PSMD3: variants seen among roughly 807,000 people sequenced by gnomAD.
The protein encoded by PSMD3 is proteasome 26S subunit, non-ATPase 3.
A neutral mutation model predicts 62.8 loss-of-function variants in PSMD3; 5 were observed. That is an observed-to-expected ratio of 0.08 (90% CI 0.04 to 0.17). The LOEUF is 0.17. PSMD3 is among the 10% of genes least tolerant of loss of function. PSMD3 has a pLI of 1.00. For synonymous variants in PSMD3, 265 were observed against 283.9 expected, an observed-to-expected ratio of 0.93 and a Z score of 0.67; for missense variants, 524 against 713.6, an observed-to-expected ratio of 0.73 and a Z score of 3.03.
Position 39,996,245 on chromosome 17 carries a change from G to A in PSMD3, c.1383G>A (p.Lys461=), listed in dbSNP as rs149090359. Residue 461 remains lysine, a synonymous_variant, in exon 10 of 12, where the codon AAG becomes AAA. Coordinates refer to ENST00000264639, the MANE Select transcript of PSMD3 (RefSeq NM_002809.4). This position sits in a 1 kb window ranked among gnomAD's most constrained non-coding sequence, Gnocchi z 5.1. ...ACGAGAAGGGCTATGTCCAATCCAA[G>A]GAGATGATTGACATCTATTCCACCC... ...INHEKGYVQS[K]EMIDIYSTRE... is the part of the protein sequence containing the mutation. 8.1e-6 allele frequency: 13 copies of A among 1,613,990 alleles called. No homozygotes were observed. The African/African-American group carries it at 1.3e-4, about 17-fold the overall frequency.
At chr17:39,982,834 A>G (rs1980421071) in intron 1 of PSMD3, among the ~76,000 whole-genome samples, 1 of 152,242 alleles carries the variant, frequency 6.6e-6, no homozygotes. Context: ...GCTATCATAA[A>G]TAGCTTTGAA....
Position 39,988,711 on chromosome 17 carries a change from A to G in PSMD3, c.578A>G (p.Gln193Arg), listed in dbSNP as rs200089350. ...EAQKISDDLMQKISTQNRRAL... is the reference protein window; with the variant it reads ...EAQKISDDLMRKISTQNRRAL... Reference sequence around the variant, plus strand: ...CAGAAGATCTCTGATGATCTGATGCAGAAGATCAGTACTCAGAACCGCCGG... The same window carrying G: ...CAGAAGATCTCTGATGATCTGATGCGGAAGATCAGTACTCAGAACCGCCGG... The change falls in exon 4 of 12, where the codon CAG becomes CGG. Residue 193 changes from glutamine to arginine, a missense_variant. This residue lies in a region of PSMD3 where 396 missense variants were observed against 475.8 expected (regional missense o/e 0.83). Transcript: ENST00000264639. The G allele has an allele frequency of 9.9e-6, 16 of 1,614,166 alleles. No individual in the cohort carries two copies. In the East Asian group the frequency reaches 3.6e-4, roughly 36 times the overall value.
At chr17:39,986,130 C>T (rs1172659303) in intron 2 of PSMD3, among the ~76,000 whole-genome samples, 2 of 152,144 alleles carry the variant, frequency 1.3e-5, no homozygotes, top group African/African-American at 4.8e-5. Context: ...GGGTCTTGCT[C>T]TGTCACCCAG....
intron 4 of PSMD3, among the ~76,000 whole-genome samples, chr17:39,989,088 G>T (rs1397343626): frequency 6.6e-6 from 1 of 152,204 alleles, no homozygotes; most frequent in African/African-American, 2.4e-5. Flanking sequence ...TGGGTTAGGG[G>T]TGGAGGGACA....
chr17:39,997,162 AC>A (rs1980803476), intron 10 of PSMD3, among the ~76,000 whole-genome samples, 167 bp from the exon 11 acceptor site: 1 of 152,022 alleles, frequency 6.6e-6, no homozygotes, highest in South Asian at 2.1e-4. Flanking sequence ...CCCACAGGGC[AC>A]TGTAATAATT....
At chr17:39,983,926 A>G (rs111304990) in intron 1 of PSMD3, among the ~76,000 whole-genome samples, 274 of 151,942 alleles carry the variant, frequency 1.8e-3, no homozygotes, top group African/African-American at 5.8e-3. Context: ...CCTGGCCGGC[A>G]CGGTGGCTCA....
At chr17:39,984,801 G>A (rs1307163926) in intron 2 of PSMD3, among the ~76,000 whole-genome samples, 1 of 152,164 alleles carries the variant, frequency 6.6e-6, no homozygotes, top group Non-Finnish European at 1.5e-5. Context: ...AGGTGCTGCT[G>A]CCTCTTTCTT....
At chr17:39,997,082 G>T (rs891546765) in intron 10 of PSMD3, among the ~76,000 whole-genome samples, 7 of 152,174 alleles carry the variant, frequency 4.6e-5, no homozygotes, top group African/African-American at 7.2e-5. Context: ...CACATCCACT[G>T]TGTTCCTCCT....
intron 6 of PSMD3, 97 bp downstream of exon 6, chr17:39,990,294 T>C (rs1980625752): frequency 9.4e-7 from 1 of 1,068,772 alleles, no homozygotes; most frequent in Non-Finnish European, 1.3e-6. Flanking sequence ...AACTCCTGGG[T>C]TCAAGAAGTC....
Position 39,989,897 on chromosome 17 carries a change from A to C in PSMD3, c.845A>C (p.Asn282Thr), listed in dbSNP as rs1980614173. ...SKSVFPEQAN[N>T]NEWARYLYYT... is the part of the protein sequence containing the mutation. Reference sequence around the variant, plus strand: ...TCTGTGTTCCCAGAGCAGGCCAACAACAATGAGTGGGCCAGGTACCTCTAC... The same window carrying C: ...TCTGTGTTCCCAGAGCAGGCCAACACCAATGAGTGGGCCAGGTACCTCTAC... The change falls in exon 5 of 12, where the codon AAC (asparagine) becomes ACC (threonine). Residue 282 changes from asparagine to threonine, a missense_variant. Around this residue, in one of 4 missense-constraint regions of PSMD3, gnomAD observed 396 missense variants for 475.8 expected, o/e 0.83. Coordinates refer to ENST00000264639, the MANE Select transcript of PSMD3 (RefSeq NM_002809.4). 2 of 1,614,034 alleles carry C rather than the reference A, an allele frequency of 1.2e-6. No individual in the cohort carries two copies. The highest frequency in any genetic ancestry group is 1.7e-6 in the Non-Finnish European group (2 of 1,180,004).
chr17:39,993,393 T>A (rs1980705583), intron 6 of PSMD3: 1 of 152,206 alleles, frequency 6.6e-6, no homozygotes, highest in Non-Finnish European at 1.5e-5. Flanking sequence ...CTCTGACCCC[T>A]CTCACGAGCA....
Position 39,989,741 on chromosome 17 carries a change from T to C in PSMD3, c.689T>C (p.Phe230Ser). 2 of 1,612,614 alleles carry C rather than the reference T, an allele frequency of 1.2e-6. No homozygotes were observed. The highest frequency in any genetic ancestry group is 4.5e-5 in the East Asian group (2 of 44,856). Residue 230 changes from phenylalanine to serine, a missense_variant and splice_region_variant, in exon 5 of 12, where the codon TTC becomes TCC. Transcript: ENST00000264639. ...ACATCTTTCTTTCCTTCTTGAAGCTTCTTGCATGCTCGGCTCCGGACAGCT... is the reference window on the plus strand; with the variant it reads ...ACATCTTTCTTTCCTTCTTGAAGCTCCTTGCATGCTCGGCTCCGGACAGCT... ...FLDKLDVVRS[F>S]LHARLRTATL... is the part of the protein sequence containing the mutation.
At chr17:39,981,322 C>T (rs1383348037) in intron 1 of PSMD3, 132 bp downstream of exon 1, 3 of 1,417,002 alleles carry the variant, frequency 2.1e-6, no homozygotes, top group East Asian at 5.1e-5. Context: ...GATACCTGCT[C>T]CCACTGCCCC....
intron 6 of PSMD3, among the ~76,000 whole-genome samples, chr17:39,990,474 T>C (rs1433896958): frequency 6.6e-6 from 1 of 152,116 alleles, no homozygotes; most frequent in Non-Finnish European, 1.5e-5. Context: ...TATTATTATT[T>C]TTTGTGTGTG....
At position 39,984,312 on chromosome 17, in the gene PSMD3, A is replaced by G; in HGVS notation, c.239A>G (p.Lys80Arg). ...VTLEDIKEHV[K>R]QLEKAVSGKE... ...TCTTCAGACATCAAGGAGCACGTGAAACAGCTAGAGAAAGCGGTTTCAGGC... is the reference window on the plus strand; with the variant it reads ...TCTTCAGACATCAAGGAGCACGTGAGACAGCTAGAGAAAGCGGTTTCAGGC... Residue 80 changes from lysine (K) to arginine (R), a missense_variant, in exon 2 of 12, where the codon AAA (lysine) becomes AGA (arginine). Physicochemically the swap from Lys to Arg is conservative, Grantham distance 26 (BLOSUM62 2). Coordinates refer to ENST00000264639, the MANE Select transcript of PSMD3 (RefSeq NM_002809.4). 1 of 1,613,388 alleles carries G rather than the reference A, an allele frequency of 6.2e-7. No homozygotes were observed. Among genetic ancestry groups the G allele is most frequent in the Non-Finnish European group, 8.5e-7 (1 of 1,179,752 alleles).
intron 6 of PSMD3, among the ~76,000 whole-genome samples, chr17:39,992,115 G>A (rs1287267896): frequency 2.6e-5 from 4 of 151,726 alleles, no homozygotes; most frequent in Non-Finnish European, 5.9e-5. Context: ...CACAGGGTGC[G>A]TGAGCAAAAT....
At chr17:39,983,267 A>C (rs907413967) in intron 1 of PSMD3, among the ~76,000 whole-genome samples, 1 of 152,190 alleles carries the variant, frequency 6.6e-6, no homozygotes, top group Admixed American at 6.5e-5. Context: ...TGCTACCCTT[A>C]ATGATCCGCC....
At chr17:39,989,980 G>C (rs374423511) in intron 5 of PSMD3, 51 bp downstream of exon 5, 2 of 1,592,278 alleles carry the variant, frequency 1.3e-6, no homozygotes, top group Non-Finnish European at 1.7e-6. Context: ...AGGCCTGCCT[G>C]GTGCAAATTT....
chr17:39,986,910 G>A (rs1245016950), intron 3 of PSMD3, among the ~76,000 whole-genome samples, 198 bp downstream of exon 3: 2 of 152,162 alleles, frequency 1.3e-5, no homozygotes, highest in South Asian at 4.1e-4. Flanking sequence ...GTGGGACAGG[G>A]CTTGCAGTGG....
Sources: gnomAD v4.1 joint callset for allele counts (sites outside exome capture counted in the v4.1 genomes callset) on GRCh38, gnomAD v4.1.1 for gene constraint, gnomAD v4.1.1 regional missense constraint, Gnocchi (gnomAD v3.1) non-coding constraint, MANE v1.5 for transcripts, NCBI Gene and HGNC (gene_info 2026-07-23, HGNC 2026-07-21) for gene names.